Variants in MYO15A observed in about 807,000 individuals in gnomAD.
MYO15A encodes the protein myosin XVA, also known as unconventional myosin-XV.
A neutral mutation model predicts 394.6 loss-of-function variants in MYO15A; 308 were observed. The ratio of observed to expected loss-of-function variants is 0.78; its 90% confidence interval spans 0.71 to 0.86. MYO15A has a LOEUF of 0.86. Ranked by LOEUF, MYO15A falls within the 40% of genes least tolerant of loss-of-function variation. MYO15A has a pLI of 0.00. For synonymous variants in MYO15A, 1,957 were observed against 2,003.8 expected (o/e 0.98, Z 0.62); for missense variants, 4,606 against 4,799.1 (o/e 0.96, Z 1.19).
In MYO15A at chr17:18,121,639, G is replaced by A; in HGVS notation, c.2839G>A (p.Ala947Thr). The change falls in exon 2 of 66, where the codon GCA (alanine) becomes ACA (threonine). Residue 947 changes from alanine to threonine, a missense_variant. Around this residue, in one of 2 missense-constraint regions of MYO15A, gnomAD observed 1,830 missense variants for 1,689.7 expected, o/e 1.08. Coordinates refer to ENST00000647165, the MANE Select transcript of MYO15A (RefSeq NM_016239.4). This position sits in a 1 kb window ranked among gnomAD's most constrained non-coding sequence, Gnocchi z 5.3. ...CCCACCCTCCCCCTGGCCAGGAGGT[G>A]CAGGCAGCCGCCGAGGCTTTTCCAG... Reference protein sequence around the residue: ...QRPPSPWPGGAGSRRGFSRPP... With the variant: ...QRPPSPWPGGTGSRRGFSRPP... 4 of 1,603,834 alleles carry A rather than the reference G, an allele frequency of 2.5e-6. No individual in the cohort carries two copies. Among genetic ancestry groups the A allele is most frequent in the Non-Finnish European group, 3.4e-6 (4 of 1,175,178 alleles).
intron 62 of MYO15A, among the ~76,000 whole-genome samples, chr17:18,168,542 G>C (rs1418332423): frequency 6.6e-6 from 1 of 150,510 alleles, no homozygotes; most frequent in Non-Finnish European, 1.5e-5. Flanking sequence ...CACTCCAACC[G>C]GGGTGACAGA....
intron 29 of MYO15A, among the ~76,000 whole-genome samples, chr17:18,145,358 ATACT>A (rs2046456882): frequency 6.6e-6 from 1 of 152,172 alleles, no homozygotes; most frequent in African/African-American, 2.4e-5. Flanking sequence ...AAGATGACAC[ATACT>A]TTGGATCTTT....
At chr17:18,169,106 T>G (rs2046899870) in intron 62 of MYO15A, among the ~76,000 whole-genome samples, 1 of 126,416 alleles carries the variant, frequency 7.9e-6, no homozygotes. Context: ...AGAGCGAAAC[T>G]CCATCTCAAA....
intron 57 of MYO15A, among the ~76,000 whole-genome samples, chr17:18,162,314 G>T (rs576656960): frequency 1.8e-4 from 27 of 152,132 alleles, no homozygotes; most frequent in Non-Finnish European, 3.4e-4. Context: ...GTTTCCAGGC[G>T]TATAGGTTGC....
intron 1 of MYO15A, among the ~76,000 whole-genome samples, chr17:18,114,841 GCAGCCCTGCGGCT>G (rs2045765042): frequency 6.6e-6 from 1 of 152,104 alleles, no homozygotes; most frequent in South Asian, 2.1e-4. Flanking sequence ...CCTAAGCACT[GCAGCCCTGCGGCT>G]CATTCCGTGG....
rs773670282 is a variant in MYO15A, at chr17:18,154,773, AG to A, written c.8224+22del. ...CTTGTTTGGTATCTCGGGGGAGAGG[AG>A]GGGTACTGATGGGGCAACCAGTCAG... On this transcript the variant is annotated intron_variant, in intron 45 of 65. Transcript: ENST00000647165. 2 of 1,611,512 alleles carry A rather than the reference AG, an allele frequency of 1.2e-6. No homozygotes were observed. Among genetic ancestry groups the A allele is most frequent in the Non-Finnish European group, 1.7e-6 (2 of 1,179,390 alleles).
chr17:18,139,729 C>A, intron 19 of MYO15A, 118 bp downstream of exon 19: 1 of 1,232,640 alleles, frequency 8.1e-7, no homozygotes, highest in Non-Finnish European at 1.2e-6. Flanking sequence ...TAGCTTTGGC[C>A]AGACAAAGAC....
At chr17:18,125,004 C>T (rs854790) in intron 3 of MYO15A, 164 bp from the exon 4 acceptor site, 3 of 701,450 alleles carry the variant, frequency 4.3e-6, no homozygotes, top group African/African-American at 3.5e-5. Flanking sequence ...GAAAAAGGCA[C>T]AGAATAGGGA....
At chr17:18,126,574 C>T in intron 5 of MYO15A, 118 bp downstream of exon 5, 1 of 1,109,134 alleles carries the variant, frequency 9.0e-7, no homozygotes, top group Admixed American at 2.0e-5. Context: ...AAAGGCAGCC[C>T]ACCTACTCAA....
Position 18,143,767 on chromosome 17 carries a change from A to G in MYO15A, c.6017A>G (p.Glu2006Gly). 6.3e-7 allele frequency: 1 copy of G among 1,594,722 alleles called. No individual in the cohort carries two copies. The highest frequency in any genetic ancestry group is 8.5e-7 in the Non-Finnish European group (1 of 1,171,058). The change falls in exon 27 of 66, where the codon GAG becomes GGG. Residue 2006 changes from glutamate (E) to glycine (G), a missense_variant. Glu to Gly is a moderately conservative substitution (Grantham distance 98). This residue lies in a region of MYO15A where 2,776 missense variants were observed against 3,109.3 expected (regional missense o/e 0.89). Coordinates refer to ENST00000647165, the MANE Select transcript of MYO15A (RefSeq NM_016239.4). ...GTGGGGCACCTGGAGGTACCGGCTG[A>G]GCTGGCTGGGCTCTTGCAAGCAGTG... ...VAVGHLEVPA[E>G]LAGLLQAVAG...
At position 18,153,964 on chromosome 17, in the gene MYO15A, G is replaced by C. The variant is rs564967470; in HGVS notation, c.8088+68G>C. 6 of 1,610,922 alleles carry C rather than the reference G, an allele frequency of 3.7e-6. No homozygotes were observed. The highest frequency in any genetic ancestry group is 1.3e-5 in the African/African-American group (1 of 74,990). On this transcript the variant is annotated intron_variant, in intron 43 of 65. Coordinates refer to ENST00000647165, the MANE Select transcript of MYO15A (RefSeq NM_016239.4). The surrounding 1 kb of genome is among the most constrained non-coding windows in gnomAD (Gnocchi z 4.1). ...CAGGGGAGGGGCTGAAGCGAGCAGA[G>C]GAGGGTCTAGGACTTGGGGAGGGAG...
chr17:18,122,076 G>T lies in MYO15A; in HGVS notation c.3276G>T (p.Ala1092=). The T allele has an allele frequency of 6.2e-7, 1 of 1,612,814 alleles. No individual in the cohort carries two copies. The highest frequency in any genetic ancestry group is 1.3e-5 in the African/African-American group (1 of 75,072). ...GTLPQAAAPL[A]PIRAPEPLPK... ...TGCCCCAAGCCGCAGCCCCCTTGGC[G>T]CCCATCAGGGCCCCAGAGCCCCTGC... The change falls in exon 2 of 66, where the codon GCG becomes GCT. Residue 1092 remains alanine, a synonymous_variant. Coordinates refer to ENST00000647165, the MANE Select transcript of MYO15A (RefSeq NM_016239.4).
chr17:18,153,843 C>T lies in MYO15A; in HGVS notation c.8035C>T (p.Pro2679Ser), dbSNP rs2046627415. The T allele has an allele frequency of 6.2e-7, 1 of 1,613,676 alleles. No individual in the cohort carries two copies. Among genetic ancestry groups the T allele is most frequent in the African/African-American group, 1.3e-5 (1 of 75,060 alleles). Reference sequence around the variant, plus strand: ...GACGCGGCTGCACCGCCTCATCAATCCCAACTTCTACGGCTATCAGGACGC... The same window carrying T: ...GACGCGGCTGCACCGCCTCATCAATTCCAACTTCTACGGCTATCAGGACGC... ...TQTRLHRLIN[P>S]NFYGYQDAPW... The change falls in exon 43 of 66, where the codon CCC (proline) becomes TCC (serine). Residue 2679 changes from proline (P) to serine (S), a missense_variant. Physicochemically the swap from Pro to Ser is moderately conservative, Grantham distance 74 (BLOSUM62 -1). This residue lies in a region of MYO15A where 2,776 missense variants were observed against 3,109.3 expected (regional missense o/e 0.89). Coordinates refer to ENST00000647165, the MANE Select transcript of MYO15A (RefSeq NM_016239.4). The surrounding 1 kb of genome is among the most constrained non-coding windows in gnomAD (Gnocchi z 4.1).
intron 40 of MYO15A, 25 bp downstream of exon 40, chr17:18,151,552 C>A: frequency 6.2e-7 from 1 of 1,612,992 alleles, no homozygotes; most frequent in Non-Finnish European, 8.5e-7. Flanking sequence ...TGCCCCCAGC[C>A]CGCCAGCCCC....
intron 25 of MYO15A, 100 bp from the exon 26 acceptor site, chr17:18,143,466 G>T: frequency 7.3e-7 from 1 of 1,367,206 alleles, no homozygotes; most frequent in Admixed American, 2.0e-5. Flanking sequence ...TGCCCCCCTT[G>T]CTTGAGTGTG....
At chr17:18,152,665 C>A (rs529408487) in intron 42 of MYO15A, among the ~76,000 whole-genome samples, 1 of 152,126 alleles carries the variant, frequency 6.6e-6, no homozygotes, top group Non-Finnish European at 1.5e-5. Flanking sequence ...AACTCCTCAC[C>A]GTGGCCTATG....
Position 18,137,615 on chromosome 17 carries a change from G to C in MYO15A, c.4811G>C (p.Cys1604Ser). Residue 1604 changes from cysteine (C) to serine (S), a missense_variant, in exon 16 of 66, where the codon TGT (cysteine) becomes TCT (serine). Transcript: ENST00000647165. Reference sequence around the variant, plus strand: ...AGCTTCAACAGCTTTGAGCAGCTGTGTATTAACTACGCAAACGAGAACCTT... The same window carrying C: ...AGCTTCAACAGCTTTGAGCAGCTGTCTATTAACTACGCAAACGAGAACCTT... ...DLSFNSFEQL[C>S]INYANENLQY... 1.2e-6 allele frequency: 2 copies of C among 1,614,120 alleles called. No individual in the cohort carries two copies. The highest frequency in any genetic ancestry group is 2.7e-5 in the African/African-American group (2 of 75,056).
chr17:18,167,636 G>T lies in MYO15A; in HGVS notation c.9995G>T (p.Ser3332Ile). The stretch of plus-strand genomic sequence containing the variant: ...GGACTCTTCAGCAGTGTGCCGGCCA[G>T]CCGGCCCAGCGAGCAGCTGCTGCAG... Reference protein sequence around the residue: ...LKGLFSSVPASRPSEQLLQQV... With the variant: ...LKGLFSSVPAIRPSEQLLQQV... Residue 3332 changes from serine to isoleucine, a missense_variant, in exon 62 of 66, where the codon AGC becomes ATC. Transcript: ENST00000647165. 1 of 1,604,000 alleles carries T rather than the reference G, an allele frequency of 6.2e-7. No individual in the cohort carries two copies.
intron 1 of MYO15A, among the ~76,000 whole-genome samples, chr17:18,113,748 A>G (rs1181146944): frequency 1.3e-5 from 2 of 151,606 alleles, no homozygotes; most frequent in Admixed American, 6.6e-5. Flanking sequence ...TCAAAAAAAA[A>G]AAAAAGGCAA....
Sources: allele counts gnomAD v4.1 joint callset (sites outside exome capture counted in the v4.1 genomes callset), GRCh38; gene constraint gnomAD v4.1.1; regional missense constraint gnomAD v4.1.1; non-coding constraint Gnocchi (gnomAD v3.1); transcripts MANE v1.5; gene names NCBI Gene and HGNC (gene_info 2026-07-23, HGNC 2026-07-21).